KIRREL3: variants seen among roughly 807,000 people sequenced by gnomAD.
KIRREL3 encodes the protein kirre like nephrin family adhesion molecule 3.
KIRREL3 carries 36 observed loss-of-function variants against 89.7 expected under a neutral mutation model. The ratio of observed to expected loss-of-function variants is 0.40; its 90% CI spans 0.31 to 0.53. The LOEUF (loss-of-function observed/expected upper bound fraction) is 0.53, where lower values mean the gene tolerates loss of function less well. Among genes scored for constraint, KIRREL3 ranks in the 20% least tolerant of loss-of-function variants. KIRREL3 has a pLI of 0.49. For synonymous variants in KIRREL3, 445 were observed against 441.4 expected (o/e 1.01, Z -0.10); for missense variants, 864 against 1,056.6 (o/e 0.82, Z 2.53).
In KIRREL3 at chr11:126,462,868, A is replaced by C. The variant is rs1030619480; in HGVS notation, c.742+289T>G. On this transcript the variant is annotated intron_variant, in intron 6 of 16. Coordinates refer to ENST00000525144, the MANE Select transcript of KIRREL3 (RefSeq NM_032531.4). This position sits in a 1 kb window ranked among gnomAD's most constrained non-coding sequence, Gnocchi z 4.8. ...CAACAGAGGGGCCACCGGCTAGGCCAGCAGAGGCAGCAGCTGACCGTATTT... is the reference window on the plus strand; with the variant it reads ...CAACAGAGGGGCCACCGGCTAGGCCCGCAGAGGCAGCAGCTGACCGTATTT... Among the ~76,000 whole-genome samples the C allele has an allele frequency of 2.6e-5, 4 of 152,206 alleles. No homozygotes were observed. The highest frequency in any genetic ancestry group is 9.6e-5 in the African/African-American group (4 of 41,452).
chr11:126,471,305 G>A lies in KIRREL3; in HGVS notation c.591+2004C>T, dbSNP rs937276392. ...GAATCACTTGAGCCCAGGAGGTGGA[G>A]GTTGCGGTGAGCTGAGATCACGCCA... On this transcript the variant is annotated intron_variant, in intron 5 of 16. Transcript: ENST00000525144. The surrounding 1 kb of genome is among the most constrained non-coding windows in gnomAD (Gnocchi z 5.4). 1.3e-5 allele frequency among the ~76,000 whole-genome samples: 2 copies of A among 152,166 alleles called. No individual in the cohort carries two copies. The highest frequency in any genetic ancestry group is 1.3e-4 in the Admixed American group (2 of 15,282).
chr11:126,461,881 C>T (rs765200019), intron 6 of KIRREL3, among the ~76,000 whole-genome samples: 13 of 152,146 alleles, frequency 8.5e-5, no homozygotes, highest in East Asian at 1.9e-4. Context: ...AAGGAGGACA[C>T]GAATGCCAGC....
rs773682291 is a variant in KIRREL3 at position 126,435,308 on chromosome 11, T to C, written c.1553-5A>G. The C allele has an allele frequency of 1.2e-6, 2 of 1,613,606 alleles. No individual in the cohort carries two copies. Among genetic ancestry groups the C allele is most frequent in the Non-Finnish European group, 1.7e-6 (2 of 1,179,742 alleles). On this transcript the variant is annotated splice_polypyrimidine_tract_variant and splice_region_variant and intron_variant, in intron 12 of 16. Transcript: ENST00000525144. ...CTCCCGACTTCATTTCCGAACCTGT[T>C]TGGAAATAAAGCAAGCGTCTACAGC...
At chr11:126,793,055 A>C (rs755544726) in intron 1 of KIRREL3, among the ~76,000 whole-genome samples, 1 of 152,152 alleles carries the variant, frequency 6.6e-6, no homozygotes, top group Non-Finnish European at 1.5e-5. Context: ...TACACAATAA[A>C]ATTAAAGTGT....
chr11:126,450,631 G>C (rs1397733112), intron 7 of KIRREL3, among the ~76,000 whole-genome samples: 2 of 150,130 alleles, frequency 1.3e-5, no homozygotes, highest in African/African-American at 2.5e-5. Context: ...GCATGTGCAT[G>C]TGGGAGCATG....
chr11:126,895,483 A>C (rs1300939608), intron 1 of KIRREL3, among the ~76,000 whole-genome samples: 5 of 151,090 alleles, frequency 3.3e-5, no homozygotes, highest in Non-Finnish European at 7.4e-5. Flanking sequence ...AAAAAGAAAG[A>C]AGGAAAGGGA....
chr11:126,949,237 C>G (rs1948708054), intron 1 of KIRREL3, among the ~76,000 whole-genome samples: 2 of 152,142 alleles, frequency 1.3e-5, no homozygotes, highest in South Asian at 4.1e-4. Context: ...AGAAGCAGCG[C>G]ATGAGATCAT....
chr11:126,853,516 A>T (rs562314993), intron 1 of KIRREL3, among the ~76,000 whole-genome samples: 7 of 152,306 alleles, frequency 4.6e-5, no homozygotes, highest in African/African-American at 1.7e-4. Flanking sequence ...AGTTTCTCAA[A>T]TGTTATTTTT....
chr11:126,731,746 C>T (rs1040578361), intron 1 of KIRREL3, among the ~76,000 whole-genome samples: 10 of 152,212 alleles, frequency 6.6e-5, no homozygotes, highest in Non-Finnish European at 1.5e-4. Context: ...CATCTGGCTC[C>T]CAGTTAGAGA....
intron 1 of KIRREL3, among the ~76,000 whole-genome samples, chr11:126,874,250 A>G (rs1289711333): frequency 6.6e-6 from 1 of 152,224 alleles, no homozygotes; most frequent in African/African-American, 2.4e-5. Context: ...CATGGTTTAC[A>G]GTAGAGTCAA....
Position 126,862,083 on chromosome 11 carries a change from C to T in KIRREL3, c.55+138372G>A, listed in dbSNP as rs553388304. On this transcript the variant is annotated intron_variant, in intron 1 of 16. Coordinates refer to ENST00000525144, the MANE Select transcript of KIRREL3 (RefSeq NM_032531.4). ...CACAGCCGAGTGAAGGCGTTCCATG[C>T]TGTCCAGGTGATGGAGGGAGGAAAT... is the stretch of plus-strand genomic sequence containing the variant. 2.5e-4 allele frequency among the ~76,000 whole-genome samples: 38 copies of T among 152,356 alleles called. 1 individual carries two copies. The East Asian group carries it at 6.9e-3, about 28-fold the overall frequency.
intron 1 of KIRREL3, among the ~76,000 whole-genome samples, chr11:126,629,256 C>A (rs545377441): frequency 6.6e-6 from 1 of 152,104 alleles, no homozygotes; most frequent in Non-Finnish European, 1.5e-5. Flanking sequence ...TGGGTAGAGG[C>A]GGACCAGGAC....
At chr11:126,936,680 A>G (rs190135812) in intron 1 of KIRREL3, 1 of 152,324 alleles carries the variant, frequency 6.6e-6, no homozygotes, top group Non-Finnish European at 1.5e-5. Flanking sequence ...GTAAAATTCC[A>G]TTGATACGAA....
At chr11:126,678,721 G>A (rs766467837) in intron 1 of KIRREL3, among the ~76,000 whole-genome samples, 2 of 151,812 alleles carry the variant, frequency 1.3e-5, no homozygotes, top group African/African-American at 2.4e-5. Flanking sequence ...TACACTCGAG[G>A]AGAAAAGGAC....
intron 1 of KIRREL3, among the ~76,000 whole-genome samples, chr11:126,674,680 G>T (rs1946106920): frequency 6.6e-6 from 1 of 152,198 alleles, no homozygotes; most frequent in Non-Finnish European, 1.5e-5. Flanking sequence ...AAGGGCATTT[G>T]GAGGAGTTAG....
At chr11:126,536,605 G>A (rs1003262816) in intron 2 of KIRREL3, among the ~76,000 whole-genome samples, 9 of 151,398 alleles carry the variant, frequency 5.9e-5, no homozygotes, top group East Asian at 1.9e-4. Context: ...ATGTGGGATC[G>A]GGGGTGCTGA....
At chr11:126,502,235 T>C (rs1957887054) in intron 4 of KIRREL3, among the ~76,000 whole-genome samples, 1 of 152,186 alleles carries the variant, frequency 6.6e-6, no homozygotes, top group African/African-American at 2.4e-5. Flanking sequence ...CTTGGGCAGA[T>C]CTCATGCTGC....
chr11:126,431,263 T>C lies in KIRREL3; in HGVS notation c.1696+156A>G. On this transcript the variant is annotated intron_variant, in intron 14 of 16. Transcript: ENST00000525144. The surrounding 1 kb of genome is among the most constrained non-coding windows in gnomAD (Gnocchi z 7.1). ...AGGCGCCATGTTGCCCAGGCTCACA[T>C]ACACCGATGCATCAGACCCACTCCC... is the stretch of plus-strand genomic sequence containing the variant. The C allele has an allele frequency of 6.5e-7, 1 of 1,543,090 alleles. No individual in the cohort carries two copies. Among genetic ancestry groups the C allele is most frequent in the Non-Finnish European group, 8.8e-7 (1 of 1,140,984 alleles).
intron 1 of KIRREL3, among the ~76,000 whole-genome samples, chr11:126,828,550 G>A (rs1943495697): frequency 6.6e-6 from 1 of 152,154 alleles, no homozygotes; most frequent in African/African-American, 2.4e-5. Context: ...GGAGTGGGGG[G>A]CAAGACAGGT....
Sources: gnomAD v4.1 joint callset for allele counts (sites outside exome capture counted in the v4.1 genomes callset) on GRCh38, gnomAD v4.1.1 for gene constraint, Gnocchi (gnomAD v3.1) non-coding constraint, MANE v1.5 for transcripts, NCBI Gene and HGNC (gene_info 2026-07-23, HGNC 2026-07-21) for gene names.